TENM2: variants seen among roughly 807,000 people sequenced by gnomAD.
TENM2 encodes teneurin-2.
Under a neutral mutation model 245.2 loss-of-function variants are expected in TENM2, and 52 were observed. That is an observed-to-expected ratio of 0.21 (90% CI 0.17 to 0.27). The LOEUF is 0.27. TENM2 is among the 10% of genes least tolerant of loss of function. The pLI is 1.00. For synonymous variants in TENM2, 1,363 were observed against 1,438.9 expected, an observed-to-expected ratio of 0.95 and a Z score of 1.19; for missense variants, 3,046 against 3,666.8, an observed-to-expected ratio of 0.83 and a Z score of 4.37.
intron 23 of TENM2, 78 bp downstream of exon 25, chr5:168,219,077 C>A: frequency 7.1e-7 from 1 of 1,406,936 alleles, no homozygotes; most frequent in African/African-American, 1.4e-5. Context: ...GCTTGTGTAG[C>A]TTTTTAAATT....
chr5:167,940,037 C>T (rs1779049411), intron 3 of TENM2, among the ~76,000 whole-genome samples: 1 of 152,008 alleles, frequency 6.6e-6, no homozygotes, highest in African/African-American at 2.4e-5. Context: ...CATTTGTTGT[C>T]GTGTTTGGAT....
At chr5:167,334,895 T>A (rs375504708) in intron 1 of TENM2, among the ~76,000 whole-genome samples, 1 of 152,166 alleles carries the variant, frequency 6.6e-6, no homozygotes, top group African/African-American at 2.4e-5. Flanking sequence ...GGAGAAGAAG[T>A]TGACAGAATC....
At chr5:167,038,355 G>T in the TENM2 span, among the ~76,000 whole-genome samples, 1 of 152,142 alleles carries the variant, frequency 6.6e-6, no homozygotes, top group Non-Finnish European at 1.5e-5. Context: ...CAACAGAGCT[G>T]GGAACAGAGG....
At chr5:168,050,838 T>A (rs1789020909) in intron 6 of TENM2, among the ~76,000 whole-genome samples, 1 of 152,232 alleles carries the variant, frequency 6.6e-6, no homozygotes, top group Non-Finnish European at 1.5e-5. Flanking sequence ...TCGAGTCTTA[T>A]TTTTCTTTCT....
intron 2 of TENM2, among the ~76,000 whole-genome samples, chr5:167,627,297 A>C (rs1451853607): frequency 6.6e-6 from 1 of 152,236 alleles, no homozygotes; most frequent in Non-Finnish European, 1.5e-5. Flanking sequence ...ACTGGATTTC[A>C]TCTGGGCTCT....
intron 22 of TENM2, 62 bp downstream of exon 24, chr5:168,216,984 C>T (rs920402984): frequency 6.4e-7 from 1 of 1,568,240 alleles, no homozygotes; most frequent in Non-Finnish European, 8.7e-7. Flanking sequence ...GAGGTTCTTA[C>T]CTGTTTCCTG....
the TENM2 span, among the ~76,000 whole-genome samples, chr5:167,160,070 G>C: frequency 1.3e-5 from 2 of 152,136 alleles, no homozygotes; most frequent in African/African-American, 2.4e-5. Flanking sequence ...TTCTATTTTG[G>C]CATCTTTTCT....
intron 2 of TENM2, among the ~76,000 whole-genome samples, chr5:167,863,418 C>T (rs1257117994): frequency 6.6e-6 from 1 of 151,230 alleles, no homozygotes; most frequent in East Asian, 1.9e-4. Context: ...AGTTTGAGAC[C>T]AGTCTGGCCA....
At chr5:167,216,862 G>A in the TENM2 span, among the ~76,000 whole-genome samples, 2 of 152,060 alleles carry the variant, frequency 1.3e-5, no homozygotes, top group African/African-American at 4.8e-5. Context: ...AGGAGGAGGA[G>A]GTTGCAGTAA....
chr5:167,487,622 T>C (rs1768156498), intron 2 of TENM2, among the ~76,000 whole-genome samples: 1 of 152,206 alleles, frequency 6.6e-6, no homozygotes, highest in Non-Finnish European at 1.5e-5. Context: ...GTTTTTGGTC[T>C]TTCATTGTAA....
intron 2 of TENM2, among the ~76,000 whole-genome samples, chr5:167,725,217 G>A (rs1267266312): frequency 1.3e-5 from 2 of 151,958 alleles, no homozygotes; most frequent in African/African-American, 4.8e-5. Flanking sequence ...CTGGATTTAT[G>A]TAAGCATAAC....
At chr5:167,250,813 G>A in the TENM2 span, among the ~76,000 whole-genome samples, 1 of 152,150 alleles carries the variant, frequency 6.6e-6, no homozygotes, top group South Asian at 2.1e-4. Flanking sequence ...TGAGAATGCT[G>A]CTAAGTGAAT....
intron 8 of TENM2, among the ~76,000 whole-genome samples, chr5:168,096,995 G>A (rs1277994423): frequency 1.3e-5 from 2 of 152,116 alleles, no homozygotes; most frequent in East Asian, 1.9e-4. Context: ...AAGATAAGAC[G>A]GTGATGCAGG....
At chr5:166,979,235 A>AGCAGCAGCAGCAGCAGCAGCAGCC in the TENM2 span, among the ~76,000 whole-genome samples, 2 of 142,846 alleles carry the variant, frequency 1.4e-5, no homozygotes, top group Admixed American at 7.0e-5. Context: ...CAGCAGCAGC[A>AGCAGCAGCAGCAGCAGCAGCAGCC]GCCGCCGCGG....
At chr5:167,089,354 C>T in the TENM2 span, among the ~76,000 whole-genome samples, 5 of 152,158 alleles carry the variant, frequency 3.3e-5, no homozygotes, top group South Asian at 1.0e-3. Flanking sequence ...TTTTAACATG[C>T]TGTACTAATA....
At chr5:167,896,047 C>T (rs988895921) in intron 3 of TENM2, among the ~76,000 whole-genome samples, 4 of 152,176 alleles carry the variant, frequency 2.6e-5, no homozygotes, top group African/African-American at 9.7e-5. Context: ...TTAAGAAGAA[C>T]AAAAGCAAAC....
chr5:167,578,650 T>G (rs1774875280), intron 2 of TENM2, among the ~76,000 whole-genome samples: 1 of 152,182 alleles, frequency 6.6e-6, no homozygotes, highest in African/African-American at 2.4e-5. Context: ...TTAGGATGGA[T>G]TTTTATGATC....
At chr5:168,226,024 G>T in intron 23 of TENM2, 64 bp from the exon 26 acceptor site, 1 of 1,482,288 alleles carries the variant, frequency 6.7e-7, no homozygotes, top group East Asian at 2.4e-5. Flanking sequence ...TGAGTCTTGG[G>T]AACACTGTCA....
At chr5:168,094,585 T>A (rs1793205946) in intron 8 of TENM2, among the ~76,000 whole-genome samples, 1 of 151,938 alleles carries the variant, frequency 6.6e-6, no homozygotes, top group South Asian at 2.1e-4. Flanking sequence ...TCCTCAACCC[T>A]AGGGCCGCAG....
Sources: gnomAD v4.1 joint callset for allele counts (sites outside exome capture counted in the v4.1 genomes callset) on GRCh38, gnomAD v4.1.1 for gene constraint, MANE v1.5 for transcripts, NCBI Gene and HGNC (gene_info 2026-07-23, HGNC 2026-07-21) for gene names.